The following LDLRAD4 variants were observed in gnomAD, a reference collection of about 807,000 sequenced individuals.
LDLRAD4 encodes the protein low density lipoprotein receptor class A domain containing 4.
In LDLRAD4, 5 loss-of-function variants were observed where a neutral mutation model predicts 17.0. The observed-to-expected ratio is 0.29, with a 90% confidence interval of 0.15 to 0.62. LDLRAD4 has a LOEUF of 0.62. Among genes scored for constraint, LDLRAD4 ranks in the 20% least tolerant of loss-of-function variants. The probability of loss-of-function intolerance (pLI) is 0.84; values close to 1 mark genes in which losing one functional copy is unlikely to be tolerated. For synonymous variants in LDLRAD4, 168 were observed against 171.8 expected (o/e 0.98, Z 0.17); for missense variants, 340 against 424.7 (o/e 0.80, Z 1.75).
chr18:13,450,293 C>A (rs2091721519), intron 3 of LDLRAD4, among the ~76,000 whole-genome samples: 1 of 147,842 alleles, frequency 6.8e-6, no homozygotes, highest in Admixed American at 6.8e-5. Context: ...AATGACAGGA[C>A]CTGGGGCCAG....
rs529477084 is a variant in LDLRAD4 at position 13,449,913 on chromosome 18, G to T, written c.181+11529G>T. Among the ~76,000 whole-genome samples the T allele has an allele frequency of 2.6e-5, 4 of 152,302 alleles. No individual in the cohort carries two copies. In the South Asian group the frequency reaches 8.3e-4, roughly 32 times the overall value. On this transcript the variant is annotated intron_variant, in intron 3 of 5. Coordinates refer to ENST00000359446, the Ensembl canonical transcript of LDLRAD4. ...CCGCTCTCTCTGTCATGGGGCCGGG[G>T]TGGTGGCTGAGCCAATCAAGCAAAA...
At chr18:13,575,259 T>C (rs1346298767) in intron 3 of LDLRAD4, among the ~76,000 whole-genome samples, 2 of 152,182 alleles carry the variant, frequency 1.3e-5, no homozygotes, top group Non-Finnish European at 2.9e-5. Flanking sequence ...CCAAAGTCCA[T>C]TGTGTTATTC....
chr18:13,304,348 C>G (rs1055205375), intron 1 of LDLRAD4, among the ~76,000 whole-genome samples: 7 of 152,180 alleles, frequency 4.6e-5, no homozygotes, highest in African/African-American at 1.7e-4. Context: ...AGAAGATTTC[C>G]TGAGCTCACA....
chr18:13,264,631 C>T (rs1282755465), intron 1 of LDLRAD4, among the ~76,000 whole-genome samples: 1 of 152,252 alleles, frequency 6.6e-6, no homozygotes, highest in Non-Finnish European at 1.5e-5. Context: ...GTGGGACTGC[C>T]ATGCAGGTTG....
chr18:13,391,138 C>T (rs2086245036), intron 2 of LDLRAD4, among the ~76,000 whole-genome samples: 1 of 152,226 alleles, frequency 6.6e-6, no homozygotes, highest in Admixed American at 6.5e-5. Context: ...TTAGATAAGA[C>T]ATTGAGGCAT....
intron 3 of LDLRAD4, among the ~76,000 whole-genome samples, chr18:13,550,994 A>G (rs979409067): frequency 6.6e-6 from 1 of 152,110 alleles, no homozygotes; most frequent in African/African-American, 2.4e-5. Context: ...CACCCAGCCC[A>G]GGGGCTTGAC....
At chr18:13,360,741 C>T (rs1010624058) in intron 1 of LDLRAD4, among the ~76,000 whole-genome samples, 8 of 152,164 alleles carry the variant, frequency 5.3e-5, no homozygotes, top group African/African-American at 1.9e-4. Flanking sequence ...AATTGGCCAC[C>T]CTCTTAAACA....
At chr18:13,606,206 T>G (rs570455194) in intron 3 of LDLRAD4, among the ~76,000 whole-genome samples, 38 of 152,318 alleles carry the variant, frequency 2.5e-4, no homozygotes, top group African/African-American at 8.9e-4. Flanking sequence ...CCTCCCATTT[T>G]CTTCTGGGGC....
At position 13,348,358 on chromosome 18, in the gene LDLRAD4, G is replaced by A. The variant is rs145023135; in HGVS notation, c.-382-38983G>A. Among the ~76,000 whole-genome samples the A allele has an allele frequency of 5.9e-4, 90 of 152,252 alleles. 1 individual carries two copies. The East Asian group carries it at 0.017, about 28-fold the overall frequency. On this transcript the variant is annotated intron_variant, in intron 1 of 5. Coordinates refer to ENST00000359446, the Ensembl canonical transcript of LDLRAD4. Reference sequence around the variant, plus strand: ...TCCACTCCAGACTCTGTTTGTCTGGGTATCAGCAGTGGAGGCTGCAGAACA... The same window carrying A: ...TCCACTCCAGACTCTGTTTGTCTGGATATCAGCAGTGGAGGCTGCAGAACA...
chr18:13,276,255 G>A (rs137956152), upstream of LDLRAD4, among the ~76,000 whole-genome samples: 9 of 152,090 alleles, frequency 5.9e-5, no homozygotes, highest in East Asian at 1.7e-3. Context: ...TGATCCACCC[G>A]CCTCGGCCTC....
intron 1 of LDLRAD4, among the ~76,000 whole-genome samples, chr18:13,269,079 A>G (rs1490392965): frequency 1.3e-5 from 2 of 152,258 alleles, no homozygotes; most frequent in Admixed American, 6.5e-5. Flanking sequence ...ATCAGTTTAC[A>G]GTGTTCTGTG....
intron 3 of LDLRAD4, among the ~76,000 whole-genome samples, chr18:13,453,210 C>T (rs1021989448): frequency 1.3e-5 from 2 of 152,088 alleles, no homozygotes; most frequent in African/African-American, 2.4e-5. Context: ...CCTGGTGTGC[C>T]TGTGGTTGCG....
chr18:13,425,159 T>C (rs768905068), intron 2 of LDLRAD4, among the ~76,000 whole-genome samples: 11 of 152,216 alleles, frequency 7.2e-5, no homozygotes, highest in Admixed American at 3.3e-4. Context: ...GTAAATACAA[T>C]AAAAGTTAAT....
At chr18:13,512,016 C>G (rs577484199) in intron 3 of LDLRAD4, among the ~76,000 whole-genome samples, 1 of 152,352 alleles carries the variant, frequency 6.6e-6, no homozygotes, top group East Asian at 1.9e-4. Flanking sequence ...TTTCTTTATG[C>G]ATAGAAATTA....
chr18:13,342,073 A>G (rs2082401255), intron 1 of LDLRAD4, among the ~76,000 whole-genome samples: 1 of 152,146 alleles, frequency 6.6e-6, no homozygotes, highest in South Asian at 2.1e-4. Flanking sequence ...CTTGCATTCC[A>G]AGAATAAATT....
chr18:13,507,829 C>G (rs1396593842), intron 3 of LDLRAD4, among the ~76,000 whole-genome samples: 1 of 152,180 alleles, frequency 6.6e-6, no homozygotes, highest in Non-Finnish European at 1.5e-5. Flanking sequence ...AATAATAACC[C>G]TACCGTGGCC....
At chr18:13,243,257 G>A (rs1356813782) in intron 1 of LDLRAD4, among the ~76,000 whole-genome samples, 2 of 152,172 alleles carry the variant, frequency 1.3e-5, no homozygotes, top group Admixed American at 6.5e-5. Flanking sequence ...AGTTGTCCCC[G>A]GCCTCTTCCA....
At chr18:13,493,280 C>T (rs1003999955) in intron 3 of LDLRAD4, among the ~76,000 whole-genome samples, 6 of 152,182 alleles carry the variant, frequency 3.9e-5, no homozygotes, top group Non-Finnish European at 8.8e-5. Flanking sequence ...CAGGCTGACA[C>T]CCTGGTTCTC....
chr18:13,319,285 G>T (rs1304307317), intron 1 of LDLRAD4, among the ~76,000 whole-genome samples: 2 of 152,216 alleles, frequency 1.3e-5, no homozygotes, highest in African/African-American at 4.8e-5. Flanking sequence ...ATTCGTCCCA[G>T]TTCACGGGCG....
Sources: allele counts gnomAD v4.1 joint callset (sites outside exome capture counted in the v4.1 genomes callset), GRCh38; gene constraint gnomAD v4.1.1; transcripts MANE v1.5; gene names NCBI Gene and HGNC (gene_info 2026-07-23, HGNC 2026-07-21).